PCDHGA6: variants seen among roughly 807,000 people sequenced by gnomAD.
PCDHGA6 encodes protocadherin gamma-A6.
PCDHGA6 carries 41 observed loss-of-function variants against 60.6 expected under a neutral mutation model. The observed-to-expected ratio is 0.68, with a 90% CI of 0.53 to 0.88. PCDHGA6 has a LOEUF of 0.88. Ranked by LOEUF, PCDHGA6 falls within the 40% of genes least tolerant of loss-of-function variation. The pLI is 0.00. For synonymous variants in PCDHGA6, 594 were observed against 524.4 expected (o/e 1.13, Z -1.81); for missense variants, 1,312 against 1,203.0 (o/e 1.09, Z -1.34).
At chr5:141,403,066 G>A in intron 1 of PCDHGA6, 1 of 1,614,076 alleles carries the variant, frequency 6.2e-7, no homozygotes, top group East Asian at 2.2e-5. Flanking sequence ...TGCCTGAAGA[G>A]ACAGAAAAGG....
Position 141,423,257 on chromosome 5 carries a change from G to T in PCDHGA6, c.2424+46750G>T, listed in dbSNP as rs1412429501. ...ATCCCCGAAGTCCTGGCGGACCTCG[G>T]CAGCCTCGAGTCTCTGGCTAACTCT... On this transcript the variant is annotated intron_variant, in intron 1 of 3. Transcript: ENST00000517434. The T allele has an allele frequency of 8.7e-6, 14 of 1,613,946 alleles. No individual in the cohort carries two copies. The highest frequency in any genetic ancestry group is 1.3e-5 in the African/African-American group (1 of 75,060).
At chr5:141,474,087 A>C (rs1483673747) in intron 1 of PCDHGA6, among the ~76,000 whole-genome samples, 4 of 152,198 alleles carry the variant, frequency 2.6e-5, no homozygotes, top group South Asian at 2.1e-4. Context: ...AAAACCAAAA[A>C]ACAAACAACA....
chr5:141,476,554 G>A lies in PCDHGA6; in HGVS notation c.2425-18253G>A. On this transcript the variant is annotated intron_variant, in intron 1 of 3. Transcript: ENST00000517434. This position sits in a 1 kb window ranked among gnomAD's most constrained non-coding sequence, Gnocchi z 7.6. The stretch of plus-strand genomic sequence containing the variant: ...AGGAAATGAAATTGGAGATTAGCGA[G>A]GCCGTGGCTCCGGGGACGCGCTTTC... 1 of 1,614,232 alleles carries A rather than the reference G, an allele frequency of 6.2e-7. No individual in the cohort carries two copies. Among genetic ancestry groups the A allele is most frequent in the Non-Finnish European group, 8.5e-7 (1 of 1,180,036 alleles).
chr5:141,396,790 C>G (rs2093435054), intron 1 of PCDHGA6, among the ~76,000 whole-genome samples: 2 of 152,128 alleles, frequency 1.3e-5, no homozygotes. Flanking sequence ...AGGACATTTC[C>G]TAAGGATTGT....
At chr5:141,427,857 G>T (rs746661329) in intron 1 of PCDHGA6, 2 of 1,554,576 alleles carry the variant, frequency 1.3e-6, no homozygotes, top group Admixed American at 3.3e-5. Flanking sequence ...GCAGCTGTGC[G>T]CCTTCGAGCT....
intron 1 of PCDHGA6, chr5:141,384,370 T>C (rs769961814): frequency 1.9e-6 from 3 of 1,613,926 alleles, no homozygotes; most frequent in South Asian, 2.2e-5. Context: ...CACTTATTCC[T>C]TGGCCGAAGA....
At chr5:141,382,968 CT>C (rs774014579) in intron 1 of PCDHGA6, 26 of 1,609,208 alleles carry the variant, frequency 1.6e-5, no homozygotes, top group Admixed American at 8.4e-5. Context: ...TGGGGACCCC[CT>C]GGGAAGCCTG....
intron 1 of PCDHGA6, among the ~76,000 whole-genome samples, chr5:141,483,218 A>G (rs2099578440): frequency 6.6e-6 from 1 of 152,188 alleles, no homozygotes; most frequent in Admixed American, 6.5e-5. Flanking sequence ...GATGACAGTC[A>G]CTGCAGAAAT....
intron 1 of PCDHGA6, chr5:141,403,705 C>T: frequency 6.2e-7 from 1 of 1,613,894 alleles, no homozygotes; most frequent in Non-Finnish European, 8.5e-7. Context: ...GAGTTAAAGT[C>T]CTTGAGAACG....
chr5:141,393,588 A>G, intron 1 of PCDHGA6: 1 of 1,613,924 alleles, frequency 6.2e-7, no homozygotes. Context: ...GCCCCCAGGC[A>G]CGCGGCTGCT....
intron 1 of PCDHGA6, chr5:141,422,834 G>A (rs1450583869): frequency 3.1e-6 from 5 of 1,614,230 alleles, no homozygotes; most frequent in East Asian, 2.2e-5. Context: ...GTGATAGCAC[G>A]TGACAGCGGG....
At position 141,418,010 on chromosome 5, in the gene PCDHGA6, G is replaced by T. The variant is rs185303697; in HGVS notation, c.2424+41503G>T. Reference sequence around the variant, plus strand: ...CAAGGGCTCGGTGGTGGGGAACCTCGCTAAGGATCTAGGGCTTAGTGTCCT... The same window carrying T: ...CAAGGGCTCGGTGGTGGGGAACCTCTCTAAGGATCTAGGGCTTAGTGTCCT... On this transcript the variant is annotated intron_variant, in intron 1 of 3. Coordinates refer to ENST00000517434, the MANE Select transcript of PCDHGA6 (RefSeq NM_018919.3). 2.9e-5 allele frequency: 46 copies of T among 1,613,912 alleles called. No individual in the cohort carries two copies. The Middle Eastern group carries it at 5.0e-4, about 17-fold the overall frequency.
intron 1 of PCDHGA6, chr5:141,410,815 T>C: frequency 1.8e-6 from 1 of 553,722 alleles, no homozygotes; most frequent in Non-Finnish European, 2.9e-6. Context: ...TTTTGTAAAA[T>C]AATGTCACCA....
intron 1 of PCDHGA6, chr5:141,479,521 T>C (rs4912607): frequency 0.2 from 30,680 of 152,154 alleles, 3,215 homozygotes; most frequent in Admixed American, 0.29. Flanking sequence ...CTGGCCCAGG[T>C]TGGAAGTGGA....
At chr5:141,398,742 G>GAGT (rs2093697710) in intron 1 of PCDHGA6, 1 of 1,613,726 alleles carries the variant, frequency 6.2e-7, no homozygotes, top group Non-Finnish European at 8.5e-7. Flanking sequence ...GGGAACAACA[G>GAGT]AGTTACCATC....
intron 1 of PCDHGA6, chr5:141,433,370 T>TCTAA (rs1466476027): frequency 1.8e-6 from 1 of 554,768 alleles, no homozygotes; most frequent in African/African-American, 1.9e-5. Context: ...TATCTATCTA[T>TCTAA]CTATCTATCT....
At chr5:141,414,452 T>G in intron 1 of PCDHGA6, 1 of 1,613,886 alleles carries the variant, frequency 6.2e-7, no homozygotes, top group Non-Finnish European at 8.5e-7. Context: ...AATATCACAG[T>G]GACAGCCACA....
At chr5:141,429,735 T>C (rs911956546) in intron 1 of PCDHGA6, among the ~76,000 whole-genome samples, 1 of 152,202 alleles carries the variant, frequency 6.6e-6, no homozygotes. Flanking sequence ...ACGTAGCCAG[T>C]TATTTCTTAG....
At position 141,486,720 on chromosome 5, in the gene PCDHGA6, C is replaced by G; in HGVS notation, c.2425-8087C>G. ...ATCTCTCTGAACCCCCAGACAGGAG[C>G]TGTTCATGCTACTCGATCCTTTGAC... On this transcript the variant is annotated intron_variant, in intron 1 of 3. Coordinates refer to ENST00000517434, the MANE Select transcript of PCDHGA6 (RefSeq NM_018919.3). This position sits in a 1 kb window ranked among gnomAD's most constrained non-coding sequence, Gnocchi z 5.0. The G allele has an allele frequency of 6.2e-7, 1 of 1,614,216 alleles. No homozygotes were observed. Among genetic ancestry groups the G allele is most frequent in the Non-Finnish European group, 8.5e-7 (1 of 1,180,038 alleles).
Sources: allele counts gnomAD v4.1 joint callset (sites outside exome capture counted in the v4.1 genomes callset), GRCh38; gene constraint gnomAD v4.1.1; non-coding constraint Gnocchi (gnomAD v3.1); transcripts MANE v1.5; gene names NCBI Gene and HGNC (gene_info 2026-07-23, HGNC 2026-07-21).